Variants in APPBP2 observed in about 807,000 individuals in gnomAD.
APPBP2 encodes the protein amyloid protein-binding protein 2.
Under a neutral mutation model 76.0 loss-of-function variants are expected in APPBP2, and 15 were observed. The observed-to-expected ratio is 0.20, with a 90% confidence interval of 0.13 to 0.30. The LOEUF is 0.30. APPBP2 is among the 10% of genes least tolerant of loss of function. APPBP2 has a pLI of 1.00. For missense variants in APPBP2, 401 were observed against 687.2 expected (o/e 0.58, Z 4.66); for synonymous variants, 222 against 242.2 (o/e 0.92, Z 0.77).
At chr17:60,519,129 AT>A (rs538765568) in intron 1 of APPBP2, among the ~76,000 whole-genome samples, 26 of 147,112 alleles carry the variant, frequency 1.8e-4, no homozygotes, top group African/African-American at 2.5e-4. Context: ...ACCTGAATAA[AT>A]TTTTTTTTTT....
intron 6 of APPBP2, chr17:60,462,535 G>C (rs576992840): frequency 6.4e-6 from 1 of 156,140 alleles, no homozygotes; most frequent in Non-Finnish European, 1.4e-5. Context: ...ATGTTGCCCA[G>C]GCTGGACTTG....
intron 1 of APPBP2, among the ~76,000 whole-genome samples, chr17:60,506,638 C>G (rs1417002764): frequency 6.6e-6 from 1 of 152,186 alleles, no homozygotes; most frequent in Non-Finnish European, 1.5e-5. Flanking sequence ...ATATATTATT[C>G]CATCACACTC....
chr17:60,511,549 T>C lies in APPBP2; in HGVS notation c.139-11062A>G, dbSNP rs2090913277. Among the ~76,000 whole-genome samples, 8 of 148,536 alleles carry C rather than the reference T, an allele frequency of 5.4e-5. No homozygotes were observed. In the South Asian group the frequency reaches 1.7e-3, roughly 31 times the overall value. ...GCGGTGAGCCGAGATCGCATCACTG[T>C]ATTCCAGCCTGGCGACAGAGCAAGA... On this transcript the variant is annotated intron_variant, in intron 1 of 12. Transcript: ENST00000083182.
intron 1 of APPBP2, among the ~76,000 whole-genome samples, chr17:60,519,807 A>G (rs896688298): frequency 2.8e-5 from 4 of 141,358 alleles, no homozygotes; most frequent in African/African-American, 1.1e-4. Flanking sequence ...TTTTTGAGAC[A>G]AGGTCTCACC....
intron 12 of APPBP2, 75 bp downstream of exon 12, chr17:60,451,805 C>A: frequency 1.5e-6 from 2 of 1,346,606 alleles, no homozygotes; most frequent in Non-Finnish European, 1.0e-6. Context: ...TAACATTTTC[C>A]TTATACAACA....
At chr17:60,492,763 G>A (rs1223052451) in intron 3 of APPBP2, among the ~76,000 whole-genome samples, 1 of 152,182 alleles carries the variant, frequency 6.6e-6, no homozygotes, top group Non-Finnish European at 1.5e-5. Context: ...AGGCAGAAGA[G>A]ACTTGCCTTG....
chr17:60,498,155 A>G (rs2090791680), intron 2 of APPBP2, among the ~76,000 whole-genome samples: 1 of 152,088 alleles, frequency 6.6e-6, no homozygotes, highest in Non-Finnish European at 1.5e-5. Context: ...AGCAAGTACA[A>G]TGAAAAGCCA....
At chr17:60,514,436 T>C (rs2090946083) in intron 1 of APPBP2, among the ~76,000 whole-genome samples, 1 of 152,260 alleles carries the variant, frequency 6.6e-6, no homozygotes, top group East Asian at 1.9e-4. Context: ...CCAGACCCCG[T>C]TTCTATCAAA....
At chr17:60,473,607 G>A (rs1449920439) in intron 4 of APPBP2, among the ~76,000 whole-genome samples, 2 of 152,134 alleles carry the variant, frequency 1.3e-5, no homozygotes, top group African/African-American at 2.4e-5. Flanking sequence ...TTGAGCCCAG[G>A]AGTTTGAGAC....
intron 4 of APPBP2, among the ~76,000 whole-genome samples, chr17:60,478,677 T>G (rs969708808): frequency 3.3e-5 from 5 of 152,154 alleles, no homozygotes; most frequent in African/African-American, 1.2e-4. Context: ...ATCCCAGCAC[T>G]TTGGGAGGCC....
chr17:60,517,765 C>T (rs2143499050), intron 1 of APPBP2, among the ~76,000 whole-genome samples: 1 of 152,268 alleles, frequency 6.6e-6, no homozygotes, highest in East Asian at 1.9e-4. Context: ...TACCATATTA[C>T]CTTAATTGTT....
In APPBP2 at chr17:60,447,485, T is replaced by C; in HGVS notation, c.*96A>G. On this transcript the variant is annotated 3_prime_UTR_variant, in exon 13 of 13. Coordinates refer to ENST00000083182, the MANE Select transcript of APPBP2 (RefSeq NM_006380.5). ...TCAATGGACTGGACCAGTGTTTCAA[T>C]GCAAATTCCAGCCCCCCAAAACAAC... The C allele has an allele frequency of 2.8e-6, 4 of 1,435,286 alleles. No individual in the cohort carries two copies. The highest frequency in any genetic ancestry group is 3.7e-6 in the Non-Finnish European group (4 of 1,068,288). 88.9% of individuals were successfully genotyped at this position (1,435,286 alleles called of 1,614,324 possible).
At chr17:60,506,260 C>T (rs538847505) in intron 1 of APPBP2, among the ~76,000 whole-genome samples, 36 of 152,332 alleles carry the variant, frequency 2.4e-4, no homozygotes, top group Non-Finnish European at 4.7e-4. Flanking sequence ...TCCCAAAGTG[C>T]TGGGATTACC....
intron 1 of APPBP2, among the ~76,000 whole-genome samples, chr17:60,504,123 T>C (rs1327560054): frequency 2.0e-5 from 3 of 152,156 alleles, no homozygotes; most frequent in East Asian, 1.9e-4. Flanking sequence ...GATTCTCATA[T>C]AAGATTTTTA....
Position 60,496,116 on chromosome 17 carries a change from A to C in APPBP2, c.228-1499T>G, listed in dbSNP as rs192240826. On this transcript the variant is annotated intron_variant, in intron 2 of 12. Transcript: ENST00000083182. ...AAAGTAGATTAATGGTCAGCTAGAA[A>C]CTGAGGAAAAAGTTACTGTTAACTG... Among the ~76,000 whole-genome samples the C allele has an allele frequency of 6.6e-5, 10 of 152,344 alleles. No individual in the cohort carries two copies. In the East Asian group the frequency reaches 1.9e-3, roughly 29 times the overall value.
intron 12 of APPBP2, among the ~76,000 whole-genome samples, chr17:60,451,553 A>C (rs1052570547): frequency 1.3e-5 from 2 of 152,062 alleles, no homozygotes; most frequent in Non-Finnish European, 2.9e-5. Context: ...AGCTCATGAC[A>C]ACCTCTGCCT....
chr17:60,492,976 G>T (rs1224681442), intron 3 of APPBP2, among the ~76,000 whole-genome samples: 1 of 152,158 alleles, frequency 6.6e-6, no homozygotes, highest in Non-Finnish European at 1.5e-5. Flanking sequence ...CCCACGTGTT[G>T]TGGGAGGGAC....
intron 3 of APPBP2, among the ~76,000 whole-genome samples, chr17:60,482,559 T>G (rs1232628290): frequency 6.6e-6 from 1 of 152,206 alleles, no homozygotes; most frequent in Non-Finnish European, 1.5e-5. Context: ...ACATTAGGTA[T>G]TTCTCCTAAC....
chr17:60,493,549 G>T (rs755657179), intron 3 of APPBP2, among the ~76,000 whole-genome samples: 4 of 151,678 alleles, frequency 2.6e-5, no homozygotes, highest in Admixed American at 6.6e-5. Flanking sequence ...GCCCAGGCTG[G>T]TCTCGAACTC....
Sources: gnomAD v4.1 joint callset for allele counts (sites outside exome capture counted in the v4.1 genomes callset) on GRCh38, gnomAD v4.1.1 for gene constraint, MANE v1.5 for transcripts, NCBI Gene and HGNC (gene_info 2026-07-23, HGNC 2026-07-21) for gene names.